MICU3: variants seen among roughly 807,000 people sequenced by gnomAD.
The protein encoded by MICU3 is mitochondrial calcium uptake 3, also known as calcium uptake protein 3, mitochondrial.
Under a neutral mutation model 66.5 loss-of-function variants are expected in MICU3, and 62 were observed. The observed-to-expected ratio is 0.93, with a 90% confidence interval of 0.76 to 1.15. The LOEUF is 1.15. MICU3 is among the 50% of genes most tolerant of loss of function. MICU3 has a pLI of 0.00. For missense variants in MICU3, 779 were observed against 664.4 expected, an observed-to-expected ratio of 1.17 and a Z score of -1.90; for synonymous variants, 308 against 240.7, an observed-to-expected ratio of 1.28 and a Z score of -2.59.
chr8:17,050,078 C>T (rs534828018), intron 1 of MICU3, among the ~76,000 whole-genome samples: 1 of 152,136 alleles, frequency 6.6e-6, no homozygotes, highest in Admixed American at 6.5e-5. Flanking sequence ...TCTATTTTTT[C>T]ACTATTGGAA....
rs146922595 is a variant in MICU3 at position 17,070,721 on chromosome 8, C to T, written c.567+1002C>T. Among the ~76,000 whole-genome samples, 326 of 151,690 alleles carry T rather than the reference C, an allele frequency of 2.1e-3. 2 individuals are homozygous for T. Among genetic ancestry groups the T allele is most frequent in the African/African-American group, 7.2e-3 (298 of 41,396 alleles). ...AAGGGAATCCTCCAAAAGCCTACAG[C>T]AAATGTCATGGTCATTTGTGAAACT... On this transcript the variant is annotated intron_variant, in intron 3 of 14. Coordinates refer to ENST00000318063, the MANE Select transcript of MICU3 (RefSeq NM_181723.3).
At chr8:17,092,827 C>T (rs1273580930) in intron 8 of MICU3, among the ~76,000 whole-genome samples, 1 of 151,948 alleles carries the variant, frequency 6.6e-6, no homozygotes, top group South Asian at 2.1e-4. Flanking sequence ...TAGCAATTAT[C>T]TGCTAGTTTC....
chr8:17,055,881 C>G (rs2150587742), intron 1 of MICU3, among the ~76,000 whole-genome samples: 1 of 152,238 alleles, frequency 6.6e-6, no homozygotes, highest in African/African-American at 2.4e-5. Context: ...TGGTGAAGGT[C>G]TTGATCATTG....
chr8:17,097,329 A>G (rs973017349), intron 8 of MICU3, among the ~76,000 whole-genome samples: 1 of 151,778 alleles, frequency 6.6e-6, no homozygotes, highest in Non-Finnish European at 1.5e-5. Context: ...TAAAGCTTAT[A>G]TTATTATAAA....
intron 9 of MICU3, chr8:17,102,382 C>T (rs772183734): frequency 2.0e-5 from 3 of 151,866 alleles, no homozygotes; most frequent in Non-Finnish European, 4.4e-5. Context: ...TACCAGATTT[C>T]TTTTTTCCCA....
chr8:17,080,696 A>C (rs1821057862), intron 4 of MICU3, among the ~76,000 whole-genome samples: 1 of 152,142 alleles, frequency 6.6e-6, no homozygotes, highest in African/African-American at 2.4e-5. Flanking sequence ...GTATAAACAA[A>C]AGAAGGGAAT....
rs186438301 is a variant in MICU3 at position 17,027,713 on chromosome 8, G to A, written c.381+53G>A. 4,385 of 1,263,748 alleles carry A rather than the reference G, an allele frequency of 3.5e-3. 7 individuals are homozygous for A. Among genetic ancestry groups the A allele is most frequent in the Non-Finnish European group, 3.9e-3 (3,876 of 1,006,380 alleles). The allele number at this position is 1,263,748 out of a possible 1,614,324, so 78.3% of individuals were successfully genotyped here. On this transcript the variant is annotated intron_variant, in intron 1 of 14. Coordinates refer to ENST00000318063, the MANE Select transcript of MICU3 (RefSeq NM_181723.3). Reference sequence around the variant, plus strand: ...GCGCGGGGGATGTGACCTTCGTGCCGGGTACGCAGGACCCTGGAGGCTGTG... The same window carrying A: ...GCGCGGGGGATGTGACCTTCGTGCCAGGTACGCAGGACCCTGGAGGCTGTG...
intron 4 of MICU3, among the ~76,000 whole-genome samples, chr8:17,081,299 A>C (rs1168875293): frequency 1.3e-5 from 2 of 152,158 alleles, no homozygotes; most frequent in African/African-American, 2.4e-5. Flanking sequence ...TAAGCACTTT[A>C]CAGTGTTAAT....
intron 1 of MICU3, among the ~76,000 whole-genome samples, chr8:17,048,343 A>G (rs1815458353): frequency 6.6e-6 from 1 of 152,192 alleles, no homozygotes; most frequent in African/African-American, 2.4e-5. Context: ...AAAATGAAAT[A>G]GAAATTCACT....
intron 8 of MICU3, among the ~76,000 whole-genome samples, chr8:17,091,344 C>A (rs1283650633): frequency 6.6e-6 from 1 of 152,140 alleles, no homozygotes; most frequent in Admixed American, 6.5e-5. Context: ...CACTTAATTT[C>A]CCCAAGGATC....
intron 1 of MICU3, among the ~76,000 whole-genome samples, chr8:17,042,116 T>C (rs1814238054): frequency 1.3e-5 from 2 of 152,110 alleles, no homozygotes; most frequent in Admixed American, 6.5e-5. Context: ...ACTATTCTAA[T>C]TTATAAGTTG....
chr8:17,046,768 G>C (rs1170046334), intron 1 of MICU3, among the ~76,000 whole-genome samples: 1 of 152,046 alleles, frequency 6.6e-6, no homozygotes, highest in Admixed American at 6.5e-5. Context: ...CTTATGTCTG[G>C]TATAAGCTGA....
chr8:17,105,226 G>A (rs1801639358), intron 10 of MICU3, among the ~76,000 whole-genome samples, 187 bp from the exon 11 acceptor site: 1 of 151,948 alleles, frequency 6.6e-6, no homozygotes, highest in African/African-American at 2.4e-5. Flanking sequence ...GGGTGCTACA[G>A]TCATTAAGTA....
intron 11 of MICU3, among the ~76,000 whole-genome samples, chr8:17,110,270 T>C (rs1411352993): frequency 6.6e-6 from 1 of 152,230 alleles, no homozygotes; most frequent in Admixed American, 6.5e-5. Flanking sequence ...AGGTAAAATT[T>C]GTATAACAAA....
At chr8:17,098,632 G>C (rs1800981406) in intron 9 of MICU3, 79 bp downstream of exon 9, 2 of 916,624 alleles carry the variant, frequency 2.2e-6, no homozygotes, top group Non-Finnish European at 3.6e-6. Context: ...TAGTCACAGT[G>C]ATGAAACCCA....
At chr8:17,052,694 T>TA (rs1816296033) in intron 1 of MICU3, among the ~76,000 whole-genome samples, 1 of 152,174 alleles carries the variant, frequency 6.6e-6, no homozygotes, top group South Asian at 2.1e-4. Flanking sequence ...TCAAAACATT[T>TA]CACTTAGAGT....
the MICU3 span, among the ~76,000 whole-genome samples, chr8:17,137,612 T>A: frequency 1.3e-5 from 2 of 151,296 alleles, no homozygotes; most frequent in African/African-American, 4.8e-5. Flanking sequence ...ATATGGAAAT[T>A]TGGGCCAGTA....
chr8:17,063,889 G>A (rs1818260833), intron 1 of MICU3, among the ~76,000 whole-genome samples, 195 bp from the exon 2 acceptor site: 1 of 151,872 alleles, frequency 6.6e-6, no homozygotes, highest in South Asian at 2.1e-4. Context: ...GATATTTTTT[G>A]TAGAATCTTT....
At chr8:17,130,042 G>T in the MICU3 span, among the ~76,000 whole-genome samples, 1 of 152,246 alleles carries the variant, frequency 6.6e-6, no homozygotes, top group Admixed American at 6.5e-5. Flanking sequence ...GTTATATAAA[G>T]ACACCTTCCG....
Sources: gnomAD v4.1 joint callset for allele counts (sites outside exome capture counted in the v4.1 genomes callset) on GRCh38, gnomAD v4.1.1 for gene constraint, MANE v1.5 for transcripts, NCBI Gene and HGNC (gene_info 2026-07-23, HGNC 2026-07-21) for gene names.